ARHGEF28: variants seen among roughly 807,000 people sequenced by gnomAD.
The protein encoded by ARHGEF28 is 190 kDa guanine nucleotide exchange factor.
ARHGEF28 carries 152 observed loss-of-function variants against 206.6 expected under a neutral mutation model. The observed-to-expected ratio is 0.74, with a 90% CI of 0.64 to 0.84. The LOEUF (loss-of-function observed/expected upper bound fraction) is 0.84. ARHGEF28 is among the 40% of genes least tolerant of loss of function. The pLI, the probability that ARHGEF28 is intolerant of heterozygous loss-of-function variation, is 0.00. For missense variants in ARHGEF28, 2,028 were observed against 2,073.2 expected (o/e 0.98, Z 0.42); for synonymous variants, 763 against 776.4 (o/e 0.98, Z 0.29).
intron 9 of ARHGEF28, among the ~76,000 whole-genome samples, chr5:73,812,287 C>T (rs72770893): frequency 0.026 from 3,948 of 152,152 alleles, 91 homozygotes; most frequent in Non-Finnish European, 0.038. Context: ...ACAGTAGTAC[C>T]GACAATTTAG....
intron 1 of ARHGEF28, among the ~76,000 whole-genome samples, chr5:73,681,641 T>G (rs1747106190): frequency 6.6e-6 from 1 of 151,942 alleles, no homozygotes; most frequent in African/African-American, 2.4e-5. Flanking sequence ...ATAGTGAACC[T>G]TGTCTCTCCT....
intron 1 of ARHGEF28, among the ~76,000 whole-genome samples, chr5:73,679,164 C>T (rs1746905466): frequency 6.6e-6 from 1 of 152,230 alleles, no homozygotes; most frequent in South Asian, 2.1e-4. Context: ...TTAGAAATCT[C>T]TTTCTCCAAA....
At chr5:73,689,602 G>T (rs1028061222) in intron 2 of ARHGEF28, among the ~76,000 whole-genome samples, 4 of 152,140 alleles carry the variant, frequency 2.6e-5, no homozygotes, top group African/African-American at 9.7e-5. Context: ...AGCAGGAATT[G>T]GCAAGACTGG....
chr5:73,917,953 G>A (rs1229966007), intron 35 of ARHGEF28, among the ~76,000 whole-genome samples: 1 of 152,184 alleles, frequency 6.6e-6, no homozygotes, highest in Non-Finnish European at 1.5e-5. Context: ...GAAGGATGAG[G>A]CTTGCTGCCT....
At position 73,911,416 on chromosome 5, in the gene ARHGEF28, C is replaced by G; in HGVS notation, c.4789C>G (p.Gln1597Glu). 1 of 1,613,986 alleles carries G rather than the reference C, an allele frequency of 6.2e-7. No individual in the cohort carries two copies. Residue 1597 changes from glutamine (Q) to glutamate (E), a missense_variant, in exon 35 of 36, where the codon CAA becomes GAA. Coordinates refer to ENST00000513042, the MANE Select transcript of ARHGEF28 (RefSeq NM_001177693.2). ...TCAGGATGCCACTTACCCTACAACT[C>G]AATCTCATTCTGACTTGGTGAGGAC... is the stretch of plus-strand genomic sequence containing the variant. Reference protein sequence around the residue: ...IHQDATYPTTQSHSDLVRTSE... With the variant: ...IHQDATYPTTESHSDLVRTSE...
intron 1 of ARHGEF28, among the ~76,000 whole-genome samples, chr5:73,667,280 G>A (rs1746015603): frequency 6.6e-6 from 1 of 152,148 alleles, no homozygotes; most frequent in South Asian, 2.1e-4. Context: ...GGGGGGCTTA[G>A]AATTTTATTT....
intron 1 of ARHGEF28, among the ~76,000 whole-genome samples, chr5:73,652,192 T>C (rs1744879459): frequency 6.6e-6 from 1 of 152,184 alleles, no homozygotes; most frequent in African/African-American, 2.4e-5. Context: ...TCACGAAGCT[T>C]ATTATCTAGT....
At chr5:73,670,435 T>G (rs530672914) in intron 1 of ARHGEF28, among the ~76,000 whole-genome samples, 4 of 152,352 alleles carry the variant, frequency 2.6e-5, no homozygotes, top group African/African-American at 9.6e-5. Flanking sequence ...TGATTCTAAT[T>G]TTTGGCTATT....
At chr5:73,815,220 G>A (rs1756118782) in intron 9 of ARHGEF28, among the ~76,000 whole-genome samples, 3 of 150,844 alleles carry the variant, frequency 2.0e-5, no homozygotes, top group Admixed American at 6.6e-5. Flanking sequence ...ATGAGCACAA[G>A]CATGCGCTTA....
intron 11 of ARHGEF28, among the ~76,000 whole-genome samples, chr5:73,843,905 C>T (rs777315725): frequency 8.5e-5 from 13 of 152,076 alleles, no homozygotes; most frequent in African/African-American, 1.4e-4. Context: ...ACACCATGAA[C>T]GTCCCCTATC....
chr5:73,710,400 T>C (rs557165378), intron 2 of ARHGEF28, among the ~76,000 whole-genome samples: 30 of 152,354 alleles, frequency 2.0e-4, no homozygotes, highest in Non-Finnish European at 4.0e-4. Context: ...TCCTTTTTTA[T>C]TGGATTGTTT....
At chr5:73,906,930 A>C (rs979018871) in intron 33 of ARHGEF28, among the ~76,000 whole-genome samples, 2 of 152,206 alleles carry the variant, frequency 1.3e-5, no homozygotes, top group Non-Finnish European at 2.9e-5. Context: ...GAAGTATTCC[A>C]GGTAGAAAAT....
At chr5:73,856,148 A>T (rs1210868809) in intron 14 of ARHGEF28, among the ~76,000 whole-genome samples, 1 of 152,168 alleles carries the variant, frequency 6.6e-6, no homozygotes, top group Non-Finnish European at 1.5e-5. Context: ...TATGGCACAA[A>T]TTTTGCAAAT....
intron 2 of ARHGEF28, among the ~76,000 whole-genome samples, chr5:73,741,248 A>T (rs11746513): frequency 7.7e-4 from 116 of 150,918 alleles, no homozygotes; most frequent in African/African-American, 2.7e-3. Context: ...TCTTTTACTT[A>T]GTTCTGCTGT....
intron 12 of ARHGEF28, among the ~76,000 whole-genome samples, chr5:73,848,466 T>G (rs896556716): frequency 1.3e-5 from 2 of 152,188 alleles, no homozygotes; most frequent in Admixed American, 1.3e-4. Context: ...TGGATATATT[T>G]TTCCCTAAAT....
At chr5:73,751,119 G>A (rs1230119968) in intron 3 of ARHGEF28, among the ~76,000 whole-genome samples, 2 of 152,160 alleles carry the variant, frequency 1.3e-5, no homozygotes, top group African/African-American at 4.8e-5. Context: ...CAGTCAAACC[G>A]AATTAATGGG....
At chr5:73,762,283 G>A (rs557322625) in intron 4 of ARHGEF28, among the ~76,000 whole-genome samples, 9 of 151,686 alleles carry the variant, frequency 5.9e-5, no homozygotes, top group African/African-American at 1.5e-4. Flanking sequence ...TGGTGAAACC[G>A]TGTCTTTACT....
chr5:73,917,017 C>T (rs529516173), intron 35 of ARHGEF28, among the ~76,000 whole-genome samples: 18 of 152,228 alleles, frequency 1.2e-4, no homozygotes, highest in African/African-American at 4.3e-4. Context: ...ATATTGAATC[C>T]ATTTCCTATT....
chr5:73,897,827 A>C, intron 29 of ARHGEF28, 135 bp from the exon 30 acceptor site: 2 of 1,002,790 alleles, frequency 2.0e-6, no homozygotes, highest in South Asian at 3.4e-5. Context: ...ACCTTTAAAA[A>C]TGTAAAAATC....
Sources: allele counts gnomAD v4.1 joint callset (sites outside exome capture counted in the v4.1 genomes callset), GRCh38; gene constraint gnomAD v4.1.1; transcripts MANE v1.5; gene names NCBI Gene and HGNC (gene_info 2026-07-23, HGNC 2026-07-21).